RAD9A: variants seen among roughly 807,000 people sequenced by gnomAD.
The protein encoded by RAD9A is cell cycle checkpoint control protein RAD9A.
RAD9A carries 25 observed loss-of-function variants against 41.2 expected under a neutral mutation model. The observed-to-expected ratio is 0.61, with a 90% CI of 0.44 to 0.85. The LOEUF is 0.85. Ranked by LOEUF, RAD9A falls within the 40% of genes least tolerant of loss-of-function variation. The pLI is 0.00. For missense variants in RAD9A, 514 were observed against 518.3 expected (o/e 0.99, Z 0.08); for synonymous variants, 252 against 210.6 (o/e 1.20, Z -1.70).
intron 5 of RAD9A, among the ~76,000 whole-genome samples, chr11:67,394,701 C>T (rs1244958276): frequency 1.3e-5 from 2 of 152,078 alleles, no homozygotes; most frequent in Non-Finnish European, 2.9e-5. Flanking sequence ...CCACAACCTC[C>T]GCCTCCCGAT....
Position 67,392,248 on chromosome 11 carries a change from T to TGGGGTTGGGGTGG in RAD9A, c.105+21_105+22insTTGGGGTGGGGGG. On this transcript the variant is annotated intron_variant, in intron 2 of 10. Coordinates refer to ENST00000307980, the MANE Select transcript of RAD9A (RefSeq NM_004584.3). Reference sequence around the variant, plus strand: ...GAGGACGGGGTGAGGGGCTAGGGTGTGGGGGGCGGGTGGGACTCCAGCCGG... The same window carrying TGGGGTTGGGGTGG: ...GAGGACGGGGTGAGGGGCTAGGGTGTGGGGTTGGGGTGGGGGGGGCGGGTGGGACTCCAGCCGG... 2.5e-5 allele frequency: 8 copies of TGGGGTTGGGGTGG among 321,820 alleles called. No individual in the cohort carries two copies. Among genetic ancestry groups the TGGGGTTGGGGTGG allele is most frequent in the East Asian group, 7.0e-5 (1 of 14,222 alleles). 19.9% of individuals were successfully genotyped at this position (321,820 alleles called of 1,614,324 possible).
rs1185649589 is a variant in RAD9A, at chr11:67,398,095, T to C, written c.*536T>C. On this transcript the variant is annotated 3_prime_UTR_variant, in exon 11 of 11. Transcript: ENST00000307980. ...CCCGAGTGTGTGGCTAGGGTTGCCC[T>C]GGCTGGGGCCCGGTGCCGAGACTCC... The C allele has an allele frequency of 4.8e-6, 1 of 207,634 alleles. No homozygotes were observed. The highest frequency in any genetic ancestry group is 2.3e-5 in the African/African-American group (1 of 42,688). 12.9% of individuals were successfully genotyped at this position (207,634 alleles called of 1,614,324 possible). A position where few individuals can be genotyped will look rare whatever the true frequency, so the allele number is the denominator to read the frequency against.
At chr11:67,392,258 G>GGGGGGGGGGT in intron 2 of RAD9A, 27 bp downstream of exon 2, 1 of 1,319,208 alleles carries the variant, frequency 7.6e-7, no homozygotes, top group Non-Finnish European at 1.1e-6. Context: ...TGGGGGGCGG[G>GGGGGGGGGGT]TGGGACTCCA....
chr11:67,397,629 TCTCTCAGCCCTGGGGATCAGAAAGGTGGG>T lies in RAD9A; in HGVS notation c.*73_*101del. ...AGCCCCAGCCAGTGGCAGAACTGGG[TCTCTCAGCCCTGGGGATCAGAAAGGTGGG>T]CTTGCTGGAGCTGAGCTGTTTCACT... On this transcript the variant is annotated 3_prime_UTR_variant, in exon 11 of 11. Transcript: ENST00000307980. 1 of 1,375,486 alleles carries T rather than the reference TCTCTCAGCCCTGGGGATCAGAAAGGTGGG, an allele frequency of 7.3e-7. No homozygotes were observed. 85.2% of individuals were successfully genotyped at this position (1,375,486 alleles called of 1,614,324 possible). A position where few individuals can be genotyped will look rare whatever the true frequency, so the allele number is the denominator to read the frequency against.
At chr11:67,392,876 G>C (rs889752970) in intron 3 of RAD9A, 94 bp downstream of exon 3, 1 of 1,493,352 alleles carries the variant, frequency 6.7e-7, no homozygotes, top group Non-Finnish European at 9.2e-7. Context: ...TGCTAAGTGG[G>C]GAGAGAGACA....
intron 8 of RAD9A, 27 bp from the exon 9 acceptor site, chr11:67,396,236 C>T: frequency 7.4e-6 from 12 of 1,613,858 alleles, no homozygotes; most frequent in Non-Finnish European, 1.0e-5. Context: ...ATGGGATGAC[C>T]TAGCTTGGGC....
chr11:67,392,919 G>A, intron 3 of RAD9A, 137 bp downstream of exon 3: 1 of 1,233,012 alleles, frequency 8.1e-7, no homozygotes, highest in Non-Finnish European at 1.1e-6. Context: ...AACACAGGGA[G>A]GGCCATGGTA....
chr11:67,391,994 A>G lies in RAD9A; in HGVS notation c.-51A>G. 2 of 1,531,572 alleles carry G rather than the reference A, an allele frequency of 1.3e-6. No individual in the cohort carries two copies. The highest frequency in any genetic ancestry group is 1.8e-6 in the Non-Finnish European group (2 of 1,141,750). The allele number at this position is 1,531,572 out of a possible 1,614,324, so 94.9% of individuals were successfully genotyped here. A position where few individuals can be genotyped will look rare whatever the true frequency, so the allele number is the denominator to read the frequency against. On this transcript the variant is annotated 5_prime_UTR_variant, in exon 1 of 11. Coordinates refer to ENST00000307980, the MANE Select transcript of RAD9A (RefSeq NM_004584.3). ...GCGCGGGAAGGGACCCCGGACCCGG[A>G]GGTCGCGGAGAGCTGGGCAGTGTTG...
rs965060439 is a variant in RAD9A, at chr11:67,398,271, C to T, written c.*712C>T. ...CCCTGAGGCCAAGCACGGCTGGAGA[C>T]CCACGACCTGGCCTGCCGTTGCCCT... On this transcript the variant is annotated 3_prime_UTR_variant, in exon 11 of 11. Coordinates refer to ENST00000307980, the MANE Select transcript of RAD9A (RefSeq NM_004584.3). The T allele has an allele frequency of 5.9e-6, 3 of 509,688 alleles. No homozygotes were observed. The highest frequency in any genetic ancestry group is 5.8e-5 in the African/African-American group (3 of 51,992). 31.6% of individuals were successfully genotyped at this position (509,688 alleles called of 1,614,324 possible). A position where few individuals can be genotyped will look rare whatever the true frequency, so the allele number is the denominator to read the frequency against.
At chr11:67,395,602 G>A (rs1251684221) in intron 5 of RAD9A, 114 bp from the exon 6 acceptor site, 42 of 791,746 alleles carry the variant, frequency 5.3e-5, no homozygotes, top group Middle Eastern at 3.6e-4. Context: ...TCCACGGTGC[G>A]CTAGGCCTGC....
chr11:67,396,563 C>T (rs1862705321), intron 9 of RAD9A, among the ~76,000 whole-genome samples, 163 bp downstream of exon 9: 1 of 152,220 alleles, frequency 6.6e-6, no homozygotes, highest in African/African-American at 2.4e-5. Context: ...AGCTGCCAGC[C>T]CTGCAGACTC....
At chr11:67,392,262 G>GGGGGGGGGGGGGGGGGGT in intron 2 of RAD9A, 31 bp downstream of exon 2, 1 of 600,778 alleles carries the variant, frequency 1.7e-6, no homozygotes, top group Non-Finnish European at 3.0e-6. Context: ...GGGCGGGTGG[G>GGGGGGGGGGGGGGGGGGT]ACTCCAGCCG....
chr11:67,397,658 G>C lies in RAD9A; in HGVS notation c.*99G>C. 1 of 1,098,686 alleles carries C rather than the reference G, an allele frequency of 9.1e-7. No homozygotes were observed. The highest frequency in any genetic ancestry group is 1.5e-5 in the South Asian group (1 of 67,674). 68.1% of individuals were successfully genotyped at this position (1,098,686 alleles called of 1,614,324 possible). ...TCAGCCCTGGGGATCAGAAAGGTGG[G>C]CTTGCTGGAGCTGAGCTGTTTCACT... On this transcript the variant is annotated 3_prime_UTR_variant, in exon 11 of 11. Coordinates refer to ENST00000307980, the MANE Select transcript of RAD9A (RefSeq NM_004584.3).
At chr11:67,392,368 G>A in intron 2 of RAD9A, 137 bp downstream of exon 2, 1 of 913,162 alleles carries the variant, frequency 1.1e-6, no homozygotes, top group Non-Finnish European at 1.6e-6. Context: ...TCTGGCGGCT[G>A]TCATCTTCCC....
At position 67,392,205 on chromosome 11, in the gene RAD9A, C is replaced by T; in HGVS notation, c.79C>T (p.Leu27Phe). Residue 27 changes from leucine to phenylalanine, a missense_variant, in exon 2 of 11, where the codon CTC becomes TTC. Coordinates refer to ENST00000307980, the MANE Select transcript of RAD9A (RefSeq NM_004584.3). ...VHSLSRIGDE[L>F]YLEPLEDGLS... ...CTCCCTGTCCCGCATCGGGGACGAG[C>T]TCTACCTGGAACCCTTGGAGGACGG... is the stretch of plus-strand genomic sequence containing the variant. 1 of 1,558,606 alleles carries T rather than the reference C, an allele frequency of 6.4e-7. No homozygotes were observed. Among genetic ancestry groups the T allele is most frequent in the Non-Finnish European group, 8.7e-7 (1 of 1,144,998 alleles).
At chr11:67,396,231 A>G in intron 8 of RAD9A, 32 bp from the exon 9 acceptor site, 14 of 1,613,344 alleles carry the variant, frequency 8.7e-6, no homozygotes, top group Non-Finnish European at 1.2e-5. Context: ...GCTGAATGGG[A>G]TGACCTAGCT....
In RAD9A at chr11:67,398,211, A is replaced by C; in HGVS notation, c.*652A>C. The C allele has an allele frequency of 2.6e-6, 1 of 380,560 alleles. No homozygotes were observed. The highest frequency in any genetic ancestry group is 3.2e-5 in the South Asian group (1 of 31,052). 23.6% of individuals were successfully genotyped at this position (380,560 alleles called of 1,614,324 possible). ...AATCCAGCTTTGACCTTTATTCAAG[A>C]GACCAGATGGGTTGCCCCAGGATCC... On this transcript the variant is annotated 3_prime_UTR_variant, in exon 11 of 11. Transcript: ENST00000307980.
chr11:67,392,282 A>C (rs1565115489), intron 2 of RAD9A, 51 bp downstream of exon 2: 3 of 1,447,496 alleles, frequency 2.1e-6, no homozygotes, highest in Non-Finnish European at 2.8e-6. Flanking sequence ...GGGAGCGGGT[A>C]ACCCGGACTA....
In RAD9A at chr11:67,396,179, G is replaced by A; in HGVS notation, c.734+4G>A. The stretch of plus-strand genomic sequence containing the variant: ...TTCATTTTGATGCTCCAGGCAGGTA[G>A]TTCCCAGCCTTGGGACAGGGAAGGG... On this transcript the variant is annotated splice_donor_region_variant and intron_variant, in intron 8 of 10. Transcript: ENST00000307980. The A allele has an allele frequency of 1.2e-6, 2 of 1,613,712 alleles. No individual in the cohort carries two copies. Among genetic ancestry groups the A allele is most frequent in the Non-Finnish European group, 1.7e-6 (2 of 1,179,622 alleles).
Sources: allele counts gnomAD v4.1 joint callset (sites outside exome capture counted in the v4.1 genomes callset), GRCh38; gene constraint gnomAD v4.1.1; transcripts MANE v1.5; gene names NCBI Gene and HGNC (gene_info 2026-07-23, HGNC 2026-07-21).